Variants in LRRC4C observed in about 807,000 individuals in gnomAD.
LRRC4C encodes leucine rich repeat containing 4C, also known as leucine-rich repeat-containing protein 4C.
Under a neutral mutation model 33.6 loss-of-function variants are expected in LRRC4C, and 5 were observed. The ratio of observed to expected loss-of-function variants is 0.15; its 90% CI spans 0.08 to 0.31. The LOEUF is 0.31. Ranked by LOEUF, LRRC4C falls within the 10% of genes least tolerant of loss-of-function variation. The probability of loss-of-function intolerance (pLI) is 1.00; values close to 1 mark genes in which losing one functional copy is unlikely to be tolerated. For missense variants in LRRC4C, 560 were observed against 796.7 expected, an observed-to-expected ratio of 0.70 and a Z score of 3.58; for synonymous variants, 329 against 302.0, an observed-to-expected ratio of 1.09 and a Z score of -0.93.
At chr11:40,830,498 T>C (rs768988376) in intron 2 of LRRC4C, among the ~76,000 whole-genome samples, 42 of 152,090 alleles carry the variant, frequency 2.8e-4, no homozygotes, top group Non-Finnish European at 4.7e-4. Context: ...TAGAGTTCAT[T>C]TTGAGTGGTA....
At chr11:41,309,532 T>G (rs1421956310) in intron 1 of LRRC4C, among the ~76,000 whole-genome samples, 1 of 152,168 alleles carries the variant, frequency 6.6e-6, no homozygotes, top group Non-Finnish European at 1.5e-5. Flanking sequence ...ATGAGATTAA[T>G]TAAAACTCAT....
intron 1 of LRRC4C, among the ~76,000 whole-genome samples, chr11:41,177,174 T>A (rs1258487845): frequency 6.6e-6 from 1 of 152,100 alleles, no homozygotes; most frequent in African/African-American, 2.4e-5. Flanking sequence ...GTCTGGCATA[T>A]TTGACTTATA....
chr11:40,229,494 A>C (rs1865049587), intron 5 of LRRC4C, among the ~76,000 whole-genome samples: 1 of 152,010 alleles, frequency 6.6e-6, no homozygotes, highest in African/African-American at 2.4e-5. Flanking sequence ...GCTGGTCTTG[A>C]ACTCCTGACC....
At chr11:41,290,572 A>G (rs186707262) in intron 1 of LRRC4C, among the ~76,000 whole-genome samples, 3 of 152,240 alleles carry the variant, frequency 2.0e-5, no homozygotes, top group Non-Finnish European at 2.9e-5. Flanking sequence ...TTCCAAGTTC[A>G]TTTATATTTC....
chr11:40,526,520 C>G (rs1478959894), intron 3 of LRRC4C, among the ~76,000 whole-genome samples: 1 of 152,048 alleles, frequency 6.6e-6, no homozygotes, highest in South Asian at 2.1e-4. Context: ...AATTGAAACT[C>G]AATGTGTTAT....
chr11:40,210,062 G>T (rs1447047238), intron 5 of LRRC4C, among the ~76,000 whole-genome samples: 1 of 152,028 alleles, frequency 6.6e-6, no homozygotes, highest in Non-Finnish European at 1.5e-5. Context: ...CTTCAAGAAT[G>T]AAGACAAATA....
In LRRC4C at chr11:40,548,886, C is replaced by T. The variant is rs767806157; in HGVS notation, c.-270+99256G>A. On this transcript the variant is annotated intron_variant, in intron 3 of 6. Transcript: ENST00000528697. Reference sequence around the variant, plus strand: ...CACCTGCTTGCAAAGAGCTGAATCTCAGAGTTCAATTCTCTTCACAAAATC... The same window carrying T: ...CACCTGCTTGCAAAGAGCTGAATCTTAGAGTTCAATTCTCTTCACAAAATC... 1.1e-4 allele frequency among the ~76,000 whole-genome samples: 16 copies of T among 152,216 alleles called. 1 individual carries two copies. In the Middle Eastern group the frequency reaches 0.01, roughly 97 times the overall value.
At chr11:40,437,776 C>T (rs1439963504) in intron 3 of LRRC4C, among the ~76,000 whole-genome samples, 1 of 152,160 alleles carries the variant, frequency 6.6e-6, no homozygotes, top group East Asian at 1.9e-4. Flanking sequence ...GGCACGATCT[C>T]GGCTTACTGC....
intron 5 of LRRC4C, among the ~76,000 whole-genome samples, chr11:40,154,567 C>T (rs181723458): frequency 7.3e-4 from 111 of 152,110 alleles, no homozygotes; most frequent in Non-Finnish European, 1.4e-3. Flanking sequence ...CTATAGCAGA[C>T]AAAACAAACT....
At chr11:41,191,236 G>A (rs1945931328) in intron 1 of LRRC4C, among the ~76,000 whole-genome samples, 1 of 152,096 alleles carries the variant, frequency 6.6e-6, no homozygotes, top group Non-Finnish European at 1.5e-5. Context: ...ACCACACTTT[G>A]CCTGGAATTT....
chr11:40,986,576 G>A (rs546881950), intron 1 of LRRC4C, among the ~76,000 whole-genome samples: 1 of 151,878 alleles, frequency 6.6e-6, no homozygotes, highest in Non-Finnish European at 1.5e-5. Flanking sequence ...TAGGCAATAA[G>A]AGAACAAAAA....
chr11:40,831,933 C>T (rs1029579668), intron 2 of LRRC4C, among the ~76,000 whole-genome samples: 4 of 151,820 alleles, frequency 2.6e-5, no homozygotes, highest in Admixed American at 2.6e-4. Flanking sequence ...CACAGCCAAA[C>T]CATATCATAA....
At chr11:40,522,856 A>G (rs1367470615) in intron 3 of LRRC4C, among the ~76,000 whole-genome samples, 1 of 152,156 alleles carries the variant, frequency 6.6e-6, no homozygotes, top group Non-Finnish European at 1.5e-5. Flanking sequence ...AAGTTCCATC[A>G]TGTTACGGCA....
intron 1 of LRRC4C, among the ~76,000 whole-genome samples, chr11:41,060,464 C>T (rs115860961): frequency 1.3e-5 from 2 of 152,242 alleles, no homozygotes; most frequent in Admixed American, 6.5e-5. Context: ...CTGGCGAGTA[C>T]CCTCTTCCTG....
chr11:41,108,040 GAA>G (rs1305457428), intron 1 of LRRC4C, among the ~76,000 whole-genome samples: 1 of 151,924 alleles, frequency 6.6e-6, no homozygotes, highest in African/African-American at 2.4e-5. Context: ...AACCAACTAA[GAA>G]TGCAAACATA....
rs75424453 is a variant in LRRC4C at position 41,155,791 on chromosome 11, C to T, written c.-495-222068G>A. On this transcript the variant is annotated intron_variant, in intron 1 of 6. Coordinates refer to ENST00000528697, the MANE Select transcript of LRRC4C (RefSeq NM_001258419.2). ...GAATAATTAATCTCTCTCTCTTTTC[C>T]GCTTTGCTTCTCGATCCCCCTAAAT... 7.8e-4 allele frequency among the ~76,000 whole-genome samples: 118 copies of T among 152,194 alleles called. 1 individual carries two copies. The East Asian group carries it at 0.016, about 21-fold the overall frequency.
At chr11:40,462,958 A>T (rs573891908) in intron 3 of LRRC4C, among the ~76,000 whole-genome samples, 1 of 145,652 alleles carries the variant, frequency 6.9e-6, no homozygotes, top group African/African-American at 2.5e-5. Flanking sequence ...GAGGTCTCAC[A>T]TCATACTTAT....
chr11:40,905,922 A>C (rs532855789), intron 2 of LRRC4C, among the ~76,000 whole-genome samples: 1 of 152,240 alleles, frequency 6.6e-6, no homozygotes. Flanking sequence ...AAGAAGTTCT[A>C]CTGTGGGTAA....
intron 1 of LRRC4C, among the ~76,000 whole-genome samples, chr11:41,038,305 T>A (rs974715787): frequency 1.3e-5 from 2 of 152,222 alleles, no homozygotes; most frequent in African/African-American, 4.8e-5. Context: ...GCTTTAATTC[T>A]GTTGAGGGGG....
Sources: gnomAD v4.1 joint callset for allele counts (sites outside exome capture counted in the v4.1 genomes callset) on GRCh38, gnomAD v4.1.1 for gene constraint, MANE v1.5 for transcripts, NCBI Gene and HGNC (gene_info 2026-07-23, HGNC 2026-07-21) for gene names.